The following GOLM1 variants were observed in gnomAD, a reference collection of about 807,000 sequenced individuals.
GOLM1 encodes golgi membrane protein 1.
GOLM1 carries 31 observed loss-of-function variants against 50.5 expected under a neutral mutation model. The ratio of observed to expected loss-of-function variants is 0.61; its 90% CI spans 0.46 to 0.83. The LOEUF is 0.83. GOLM1 is among the 40% of genes least tolerant of loss of function. GOLM1 has a pLI of 0.00. For synonymous variants in GOLM1, 178 were observed against 192.8 expected, an observed-to-expected ratio of 0.92 and a Z score of 0.64; for missense variants, 491 against 501.3, an observed-to-expected ratio of 0.98 and a Z score of 0.20.
At chr9:86,037,508 A>C (rs1196850772) in intron 6 of GOLM1, among the ~76,000 whole-genome samples, 4 of 152,036 alleles carry the variant, frequency 2.6e-5, no homozygotes, top group Admixed American at 2.0e-4. Context: ...AACTTATGGG[A>C]AGCAGCTCCA....
chr9:86,066,607 A>C (rs981352059), intron 3 of GOLM1, among the ~76,000 whole-genome samples: 1 of 152,242 alleles, frequency 6.6e-6, no homozygotes, highest in African/African-American at 2.4e-5. Flanking sequence ...CACATATTTT[A>C]ACAAATAAGT....
chr9:86,052,541 C>A lies in GOLM1; in HGVS notation c.360G>T (p.Leu120=), dbSNP rs1363401261. 1.2e-6 allele frequency: 2 copies of A among 1,613,604 alleles called. No individual in the cohort carries two copies. The highest frequency in any genetic ancestry group is 1.3e-5 in the African/African-American group (1 of 75,036). Residue 120 remains leucine (L), a synonymous_variant, in exon 4 of 10, where the codon CTG becomes CTT. Coordinates refer to ENST00000388712, the MANE Select transcript of GOLM1 (RefSeq NM_016548.4). ...GGAGGAGCGAGCGGAACTTACCTTGCAGCACTCGGATGAGCCTCTCACCTG... is the reference window on the plus strand; with the variant it reads ...GGAGGAGCGAGCGGAACTTACCTTGAAGCACTCGGATGAGCCTCTCACCTG... ...ITTGERLIRV[L]QDQLKTLQRN... is the part of the protein sequence containing the mutation.
intron 8 of GOLM1, chr9:86,035,013 G>T: frequency 2.0e-6 from 2 of 984,978 alleles, no homozygotes; most frequent in Non-Finnish European, 2.4e-6. Flanking sequence ...TGTCTAAATG[G>T]CACCAGACAC....
rs556407951 is a variant in GOLM1, at chr9:86,035,562, G to T, written c.821C>A (p.Pro274Gln). 6 of 1,609,548 alleles carry T rather than the reference G, an allele frequency of 3.7e-6. 1 individual carries two copies. Among genetic ancestry groups the T allele is most frequent in the Middle Eastern group, 1.6e-4 (1 of 6,062 alleles). ...EPQRDRLPQE[P>Q]GREQVVEDRP... ...GTCTTCCACCACCTGCTCCCGGCCT[G>T]GCTCCTGCGGCAGCCTGTCCCTCTG... Residue 274 changes from proline to glutamine, a missense_variant, in exon 8 of 10, where the codon CCA becomes CAA. Pro to Gln is a moderately conservative substitution (Grantham distance 76). Transcript: ENST00000388712.
Position 86,027,042 on chromosome 9 carries a change from A to AAAACCTAATCTGCTTC in GOLM1, c.*759_*774dup. On this transcript the variant is annotated 3_prime_UTR_variant, in exon 10 of 10. Coordinates refer to ENST00000388712, the MANE Select transcript of GOLM1 (RefSeq NM_016548.4). Reference sequence around the variant, plus strand: ...CCCTTTTGGCCTGTTTGTTTTGTCAAAAACCTAATCTGCTTCTTGCTTTTC... The same window carrying AAAACCTAATCTGCTTC: ...CCCTTTTGGCCTGTTTGTTTTGTCAAAAACCTAATCTGCTTCAAACCTAATCTGCTTCTTGCTTTTC... 1.0e-6 allele frequency: 1 copy of AAAACCTAATCTGCTTC among 985,404 alleles called. No homozygotes were observed. The allele number at this position is 985,404 out of a possible 1,614,324, so 61.0% of individuals were successfully genotyped here.
chr9:86,071,497 G>A (rs570787747), intron 3 of GOLM1, among the ~76,000 whole-genome samples: 1 of 152,082 alleles, frequency 6.6e-6, no homozygotes, highest in Non-Finnish European at 1.5e-5. Flanking sequence ...TGGCCAACAC[G>A]GAGAAACCCC....
chr9:86,054,477 G>A (rs969929432), intron 3 of GOLM1, among the ~76,000 whole-genome samples: 16 of 152,126 alleles, frequency 1.1e-4, no homozygotes, highest in Non-Finnish European at 1.6e-4. Flanking sequence ...GGCCGCCTTG[G>A]CCTCCCAAAG....
chr9:86,065,528 A>G (rs969501065), intron 3 of GOLM1, among the ~76,000 whole-genome samples: 2 of 152,164 alleles, frequency 1.3e-5, no homozygotes, highest in Non-Finnish European at 2.9e-5. Flanking sequence ...TGGCCCAGAG[A>G]GAAGACACCA....
chr9:86,077,442 CTCCAGCTGGAAGT>C lies in GOLM1; in HGVS notation c.266_278del (p.Asn89ArgfsTer15). On this transcript the variant is annotated frameshift_variant, in exon 3 of 10. Transcript: ENST00000388712. LOFTEE classifies it high-confidence loss of function. ...CGTCCTGGTACAGCTTGTTGACGCT[CTCCAGCTGGAAGT>C]TGTGGCTGGACTGGATTTTGTCAAG... 6.2e-7 allele frequency: 1 copy of C among 1,614,208 alleles called. No individual in the cohort carries two copies. Among genetic ancestry groups the C allele is most frequent in the Non-Finnish European group, 8.5e-7 (1 of 1,180,006 alleles).
At chr9:86,050,476 G>A (rs888113093) in intron 4 of GOLM1, among the ~76,000 whole-genome samples, 1 of 152,128 alleles carries the variant, frequency 6.6e-6, no homozygotes, top group Non-Finnish European at 1.5e-5. Flanking sequence ...GAATTCGGCT[G>A]TGAATTGCCT....
chr9:86,053,624 CATCACTA>C (rs1564347481), intron 3 of GOLM1, among the ~76,000 whole-genome samples: 31 of 37,060 alleles, frequency 8.4e-4, no homozygotes, highest in Admixed American at 1.4e-3. Context: ...CCACACCAAA[CATCACTA>C]CAAAACACAC....
chr9:86,035,866 C>CAAAAAAAAAAA (rs1276980708), intron 7 of GOLM1, among the ~76,000 whole-genome samples: 570 of 46,468 alleles, frequency 0.012, 26 homozygotes, highest in East Asian at 0.02. Context: ...AGTAGCTTAC[C>CAAAAAAAAAAA]AAAAAAAAAA....
intron 4 of GOLM1, among the ~76,000 whole-genome samples, chr9:86,047,264 G>A (rs562180658): frequency 5.3e-5 from 8 of 152,344 alleles, no homozygotes; most frequent in African/African-American, 1.9e-4. Context: ...GCCACCAGGC[G>A]GATACCACAG....
intron 8 of GOLM1, 83 bp downstream of exon 8, chr9:86,035,285 T>C (rs1833097158): frequency 1.9e-6 from 3 of 1,553,020 alleles, no homozygotes; most frequent in African/African-American, 1.4e-5. Flanking sequence ...CAGGGTGATA[T>C]GTTGGTGCTG....
chr9:86,082,180 C>T lies in GOLM1; in HGVS notation c.-21-2839G>A, dbSNP rs535932660. ...AGTAGCTGGGACTACAGGCACCTGC[C>T]ACCACACCTGGCTAATTTTTTGTAG... On this transcript the variant is annotated intron_variant, in intron 1 of 9. Coordinates refer to ENST00000388712, the MANE Select transcript of GOLM1 (RefSeq NM_016548.4). 4.8e-4 allele frequency among the ~76,000 whole-genome samples: 72 copies of T among 151,414 alleles called. 1 individual carries two copies. Among genetic ancestry groups the T allele is most frequent in the Non-Finnish European group, 2.1e-4 (14 of 67,834 alleles).
chr9:86,060,317 G>T (rs1036551836), intron 3 of GOLM1, among the ~76,000 whole-genome samples: 1 of 152,076 alleles, frequency 6.6e-6, no homozygotes, highest in Non-Finnish European at 1.5e-5. Context: ...CAGGGAAAGC[G>T]GGGAGAGGGA....
rs886773110 is a variant in GOLM1, at chr9:86,069,768, A to G, written c.309+7644T>C. Among the ~76,000 whole-genome samples the G allele has an allele frequency of 7.2e-5, 11 of 152,216 alleles. No individual in the cohort carries two copies. The South Asian group carries it at 1.0e-3, about 14-fold the overall frequency. ...ATCTTTATCTCGCAACACTCTTCCC[A>G]ACTTAGGTGGGACCTGTCACACCTC... On this transcript the variant is annotated intron_variant, in intron 3 of 9. Coordinates refer to ENST00000388712, the MANE Select transcript of GOLM1 (RefSeq NM_016548.4).
At chr9:86,081,728 A>G (rs1049735357) in intron 1 of GOLM1, among the ~76,000 whole-genome samples, 2 of 151,618 alleles carry the variant, frequency 1.3e-5, no homozygotes, top group Non-Finnish European at 2.9e-5. Context: ...CATCTCTACT[A>G]AAAATACAAA....
At chr9:86,067,985 C>T (rs964642219) in intron 3 of GOLM1, among the ~76,000 whole-genome samples, 15 of 151,122 alleles carry the variant, frequency 9.9e-5, no homozygotes, top group Non-Finnish European at 2.1e-4. Flanking sequence ...CAGCCTGGGG[C>T]GACAGAGTGA....
Sources: gnomAD v4.1 joint callset for allele counts (sites outside exome capture counted in the v4.1 genomes callset) on GRCh38, gnomAD v4.1.1 for gene constraint, MANE v1.5 for transcripts, NCBI Gene and HGNC (gene_info 2026-07-23, HGNC 2026-07-21) for gene names.